Variants in RAB27A observed in about 807,000 individuals in gnomAD.
The protein encoded by RAB27A is ras-related protein Rab-27A.
RAB27A carries 17 observed loss-of-function variants against 20.8 expected under a neutral mutation model. That is an observed-to-expected ratio of 0.82 (90% CI 0.56 to 1.23). The LOEUF (loss-of-function observed/expected upper bound fraction) is 1.23. RAB27A is among the 50% of genes most tolerant of loss of function. The probability of loss-of-function intolerance (pLI) is 0.00; values close to 1 mark genes in which losing one functional copy is unlikely to be tolerated. For missense variants in RAB27A, 277 were observed against 266.7 expected (o/e 1.04, Z -0.27); for synonymous variants, 85 against 92.8 (o/e 0.92, Z 0.48).
chr15:55,206,833 T>C (rs1244960377), intron 6 of RAB27A, among the ~76,000 whole-genome samples: 4 of 151,892 alleles, frequency 2.6e-5, no homozygotes, highest in African/African-American at 4.8e-5. Flanking sequence ...ATCTTGACAA[T>C]GTTAAAGTTT....
intron 2 of RAB27A, among the ~76,000 whole-genome samples, chr15:55,297,603 G>C (rs2054954932): frequency 2.0e-5 from 3 of 152,204 alleles, no homozygotes; most frequent in Admixed American, 2.0e-4. Context: ...AACCAGCATG[G>C]AAGGTACAGT....
At chr15:55,255,391 G>A (rs1393323726) in intron 2 of RAB27A, among the ~76,000 whole-genome samples, 2 of 152,094 alleles carry the variant, frequency 1.3e-5, no homozygotes, top group Non-Finnish European at 2.9e-5. Flanking sequence ...CACCTCATGG[G>A]TGTGTTTCAT....
intron 1 of RAB27A, among the ~76,000 whole-genome samples, chr15:55,284,033 G>C (rs1286344352): frequency 6.6e-6 from 1 of 152,154 alleles, no homozygotes; most frequent in Non-Finnish European, 1.5e-5. Context: ...TTATTATTAT[G>C]CTTTGACCTG....
intron 2 of RAB27A, among the ~76,000 whole-genome samples, chr15:55,262,262 C>A (rs1161949006): frequency 1.3e-5 from 2 of 152,034 alleles, no homozygotes; most frequent in Non-Finnish European, 2.9e-5. Flanking sequence ...AAAAAGTCGG[C>A]CAGGCGCGGT....
intron 2 of RAB27A, among the ~76,000 whole-genome samples, chr15:55,254,459 TACA>T (rs756784701): frequency 1.6e-4 from 25 of 152,034 alleles, no homozygotes; most frequent in Non-Finnish European, 2.9e-4. Flanking sequence ...ATCTACAGCA[TACA>T]ACATGATAAA....
At chr15:55,315,902 G>A (rs1483064904) in intron 1 of RAB27A, among the ~76,000 whole-genome samples, 1 of 152,086 alleles carries the variant, frequency 6.6e-6, no homozygotes, top group Non-Finnish European at 1.5e-5. Context: ...CCCATTACTG[G>A]GTATATACCC....
chr15:55,285,709 G>A (rs1421735119), intron 1 of RAB27A, among the ~76,000 whole-genome samples: 1 of 152,194 alleles, frequency 6.6e-6, no homozygotes, highest in African/African-American at 2.4e-5. Flanking sequence ...TTTTAGCGAT[G>A]GCAAGACAAT....
At position 55,224,029 on chromosome 15, in the gene RAB27A, G is replaced by T; in HGVS notation, c.344-17C>A. On this transcript the variant is annotated splice_polypyrimidine_tract_variant and intron_variant, in intron 5 of 6. Transcript: ENST00000336787. ...GTAGCTGGCCTATTAATATAAGAAA[G>T]TTTATTATATATGTAAATAATAATG... The T allele has an allele frequency of 6.6e-7, 1 of 1,526,450 alleles. No homozygotes were observed. 94.6% of individuals were successfully genotyped at this position (1,526,450 alleles called of 1,614,324 possible).
intron 2 of RAB27A, chr15:55,260,094 C>T (rs1184618811): frequency 1.3e-5 from 2 of 152,152 alleles, no homozygotes; most frequent in Non-Finnish European, 2.9e-5. Context: ...ATGCATATTT[C>T]TCCATCTATT....
At chr15:55,269,606 G>T (rs1897636280) in intron 2 of RAB27A, among the ~76,000 whole-genome samples, 1 of 151,960 alleles carries the variant, frequency 6.6e-6, no homozygotes, top group African/African-American at 2.4e-5. Context: ...AATTAGCCAG[G>T]CATGGTAGCG....
chr15:55,207,370 C>G (rs999308478), intron 6 of RAB27A, among the ~76,000 whole-genome samples: 2 of 152,196 alleles, frequency 1.3e-5, no homozygotes, highest in African/African-American at 2.4e-5. Context: ...TCAGCAATCC[C>G]TCAGTCCTTA....
At chr15:55,309,481 A>C (rs1470776846) in intron 2 of RAB27A, among the ~76,000 whole-genome samples, 4 of 152,228 alleles carry the variant, frequency 2.6e-5, no homozygotes, top group Non-Finnish European at 5.9e-5. Flanking sequence ...AAAGGACAAG[A>C]GTGTCCAGGT....
chr15:55,220,305 T>C (rs759866522), intron 6 of RAB27A, among the ~76,000 whole-genome samples: 4 of 152,304 alleles, frequency 2.6e-5, no homozygotes, highest in Non-Finnish European at 4.4e-5. Context: ...TTTGCTCTTG[T>C]TGCCCAGGCT....
chr15:55,266,444 G>T (rs545387908), intron 2 of RAB27A, among the ~76,000 whole-genome samples: 1 of 152,310 alleles, frequency 6.6e-6, no homozygotes, highest in East Asian at 1.9e-4. Context: ...TGACAGTAGG[G>T]ATGAAGAAGA....
chr15:55,209,917 TATAC>T (rs1894883893), intron 6 of RAB27A, among the ~76,000 whole-genome samples: 2 of 109,594 alleles, frequency 1.8e-5, no homozygotes, highest in African/African-American at 5.5e-5. Context: ...TGTGTATGTA[TATAC>T]ACACATATAT....
chr15:55,214,045 C>T (rs947692995), intron 6 of RAB27A, among the ~76,000 whole-genome samples: 1 of 152,122 alleles, frequency 6.6e-6, no homozygotes, highest in African/African-American at 2.4e-5. Flanking sequence ...CAGTATGATT[C>T]CTCAGTAATG....
chr15:55,248,837 T>C (rs1896784229), intron 2 of RAB27A: 1 of 152,168 alleles, frequency 6.6e-6, no homozygotes, highest in African/African-American at 2.4e-5. Flanking sequence ...TATATATAGG[T>C]CTTTTTGGTA....
At chr15:55,215,718 T>A (rs984875796) in intron 6 of RAB27A, among the ~76,000 whole-genome samples, 9 of 149,142 alleles carry the variant, frequency 6.0e-5, no homozygotes, top group African/African-American at 2.2e-4. Context: ...TCCCAGCACT[T>A]TGGGAGGCTG....
chr15:55,261,688 C>T (rs1595727952), intron 2 of RAB27A, among the ~76,000 whole-genome samples: 2 of 136,148 alleles, frequency 1.5e-5, no homozygotes, highest in East Asian at 4.2e-4. Context: ...TTGCAGTGAG[C>T]CGAGATCACT....
Sources: allele counts gnomAD v4.1 joint callset (sites outside exome capture counted in the v4.1 genomes callset), GRCh38; gene constraint gnomAD v4.1.1; transcripts MANE v1.5; gene names NCBI Gene and HGNC (gene_info 2026-07-23, HGNC 2026-07-21).